The following TPTE variants were observed in gnomAD, a reference collection of about 807,000 sequenced individuals.
The protein encoded by TPTE is transmembrane phosphatase with tensin homology.
In TPTE, 59 loss-of-function variants were observed where a neutral mutation model predicts 84.1. The observed-to-expected ratio is 0.70, with a 90% CI of 0.57 to 0.87. The LOEUF is 0.87. TPTE is among the 40% of genes least tolerant of loss of function. TPTE has a pLI of 0.00. For missense variants in TPTE, 382 were observed against 659.6 expected, an observed-to-expected ratio of 0.58 and a Z score of 4.61; for synonymous variants, 130 against 223.5, an observed-to-expected ratio of 0.58 and a Z score of 3.73.
intron 17 of TPTE, among the ~76,000 whole-genome samples, chr21:10,589,341 G>A (rs1185781833): frequency 6.6e-6 from 1 of 152,416 alleles, no homozygotes; most frequent in East Asian, 1.9e-4. Flanking sequence ...AGTAGATGGC[G>A]CCATGGGTAA....
intron 7 of TPTE, among the ~76,000 whole-genome samples, chr21:10,550,014 G>A (rs1183355375): frequency 5.9e-5 from 9 of 152,418 alleles, no homozygotes; most frequent in Non-Finnish European, 8.8e-5. Flanking sequence ...TGATACATTC[G>A]AAGTTCTGAA....
intron 8 of TPTE, among the ~76,000 whole-genome samples, chr21:10,553,256 A>G (rs1197157658): frequency 1.1e-4 from 16 of 152,286 alleles, no homozygotes; most frequent in Non-Finnish European, 1.5e-5. Context: ...GAAACAATAC[A>G]TTCTTAAACT....
At chr21:10,565,680 A>G (rs1357174207) in intron 10 of TPTE, among the ~76,000 whole-genome samples, 1 of 152,310 alleles carries the variant, frequency 6.6e-6, no homozygotes, top group Non-Finnish European at 1.5e-5. Flanking sequence ...GGAATAGAAT[A>G]GAGAACCCAG....
chr21:10,541,490 A>T (rs74618407), intron 5 of TPTE, among the ~76,000 whole-genome samples: 175 of 152,240 alleles, frequency 1.1e-3, no homozygotes, highest in African/African-American at 4.0e-3. Context: ...AAAAAAAAAA[A>T]GATGCACACA....
intron 6 of TPTE, among the ~76,000 whole-genome samples, chr21:10,542,739 T>C (rs2074393824): frequency 6.6e-6 from 1 of 152,304 alleles, no homozygotes; most frequent in African/African-American, 2.4e-5. Context: ...TGCATGGCCA[T>C]AGAGATTTTT....
intron 7 of TPTE, among the ~76,000 whole-genome samples, chr21:10,550,402 A>C (rs1158775911): frequency 6.6e-6 from 1 of 152,308 alleles, no homozygotes; most frequent in Admixed American, 6.5e-5. Context: ...TATTCTATGC[A>C]AATGGAAGCC....
chr21:10,523,451 T>TC (rs889912234), intron 1 of TPTE, among the ~76,000 whole-genome samples: 1 of 91,126 alleles, frequency 1.1e-5, no homozygotes, highest in African/African-American at 4.4e-5. Flanking sequence ...CCCTCCCCCC[T>TC]CCCCCCACCC....
At position 10,562,422 on chromosome 21, in the gene TPTE, AG is replaced by A. The variant is rs1233362833; in HGVS notation, c.446+1235del. Among the ~76,000 whole-genome samples the A allele has an allele frequency of 3.3e-5, 5 of 152,302 alleles. No individual in the cohort carries two copies. The South Asian group carries it at 6.2e-4, about 19-fold the overall frequency. Reference sequence around the variant, plus strand: ...CACCAAATGAACTAAATAAGACACCAGGGGCCAATCCTGTAGAAACAGAGAT... The same window carrying A: ...CACCAAATGAACTAAATAAGACACCAGGGCCAATCCTGTAGAAACAGAGAT... On this transcript the variant is annotated intron_variant, in intron 10 of 23. Coordinates refer to ENST00000618007, the MANE Select transcript of TPTE (RefSeq NM_199261.4).
intron 14 of TPTE, among the ~76,000 whole-genome samples, chr21:10,576,088 G>T (rs1172134058): frequency 6.6e-6 from 1 of 152,310 alleles, no homozygotes; most frequent in African/African-American, 2.4e-5. Flanking sequence ...TATACCCAAA[G>T]GAATATAAAT....
intron 7 of TPTE, among the ~76,000 whole-genome samples, chr21:10,545,641 C>G (rs1258745935): frequency 6.6e-6 from 1 of 152,244 alleles, no homozygotes; most frequent in Non-Finnish European, 1.5e-5. Flanking sequence ...TATCTACACA[C>G]ACACACACAC....
At chr21:10,548,084 A>T (rs1377375406) in intron 7 of TPTE, among the ~76,000 whole-genome samples, 5 of 152,426 alleles carry the variant, frequency 3.3e-5, no homozygotes, top group Admixed American at 2.0e-4. Flanking sequence ...CCTGAGAAAC[A>T]GTCCCACAGG....
intron 8 of TPTE, among the ~76,000 whole-genome samples, chr21:10,554,050 A>T (rs2074631145): frequency 6.6e-6 from 1 of 152,306 alleles, no homozygotes; most frequent in Non-Finnish European, 1.5e-5. Flanking sequence ...TGCACTTCTA[A>T]GTTCTTTAAG....
chr21:10,562,913 A>G (rs866078470), intron 10 of TPTE, among the ~76,000 whole-genome samples: 2,167 of 151,394 alleles, frequency 0.014, no homozygotes, highest in African/African-American at 0.05. Context: ...AAGTTATAAA[A>G]CACCAAGCAG....
chr21:10,543,315 T>C lies in TPTE; in HGVS notation c.120-14T>C. ...CCAAAGTGCTGCTGACTGTATTCTT[T>C]TATCATCCTCTAGCCCACACACAAG... On this transcript the variant is annotated splice_polypyrimidine_tract_variant and intron_variant, in intron 6 of 23. Transcript: ENST00000618007. The C allele has an allele frequency of 6.2e-7, 1 of 1,613,576 alleles. No individual in the cohort carries two copies. The highest frequency in any genetic ancestry group is 8.5e-7 in the Non-Finnish European group (1 of 1,179,848).
At chr21:10,545,980 A>G (rs1174973793) in intron 7 of TPTE, among the ~76,000 whole-genome samples, 11 of 152,190 alleles carry the variant, frequency 7.2e-5, no homozygotes, top group Admixed American at 4.6e-4. Flanking sequence ...ATATACACAT[A>G]TATAGTTTAT....
intron 8 of TPTE, among the ~76,000 whole-genome samples, chr21:10,554,892 G>T (rs1428588740): frequency 6.6e-6 from 1 of 152,308 alleles, no homozygotes; most frequent in East Asian, 1.9e-4. Flanking sequence ...CCTCTGTATT[G>T]TCCTTACCCT....
At chr21:10,552,322 C>CT (rs1175827585) in intron 7 of TPTE, among the ~76,000 whole-genome samples, 1 of 152,300 alleles carries the variant, frequency 6.6e-6, no homozygotes, top group Non-Finnish European at 1.5e-5. Flanking sequence ...CCCACAATGT[C>CT]TTTGAGATAT....
At chr21:10,539,263 A>C (rs2074323620) in intron 4 of TPTE, among the ~76,000 whole-genome samples, 1 of 152,312 alleles carries the variant, frequency 6.6e-6, no homozygotes, top group South Asian at 2.1e-4. Flanking sequence ...GAACAGAGCT[A>C]ATGGAACATG....
At chr21:10,605,292 AG>A in intron 23 of TPTE, 124 bp from the exon 24 acceptor site, 1 of 1,311,018 alleles carries the variant, frequency 7.6e-7, no homozygotes. Context: ...ACACAAAAAA[AG>A]GGCTGAGGTT....
Sources: allele counts gnomAD v4.1 joint callset (sites outside exome capture counted in the v4.1 genomes callset), GRCh38; gene constraint gnomAD v4.1.1; transcripts MANE v1.5; gene names NCBI Gene and HGNC (gene_info 2026-07-23, HGNC 2026-07-21).